Variants in UBP1 observed in about 807,000 individuals in gnomAD.
UBP1 encodes upstream-binding protein 1.
In UBP1, 22 loss-of-function variants were observed where a neutral mutation model predicts 76.1. That is an observed-to-expected ratio of 0.29 (90% confidence interval 0.21 to 0.41). UBP1 has a LOEUF of 0.41. UBP1 is among the 10% of genes least tolerant of loss of function. The pLI, the probability that UBP1 is intolerant of heterozygous loss-of-function variation, is 1.00. For missense variants in UBP1, 436 were observed against 668.1 expected, an observed-to-expected ratio of 0.65 and a Z score of 3.83; for synonymous variants, 224 against 237.1, an observed-to-expected ratio of 0.94 and a Z score of 0.51.
At chr3:33,407,337 G>GAATT (rs2044453497) in intron 8 of UBP1, among the ~76,000 whole-genome samples, 1 of 151,996 alleles carries the variant, frequency 6.6e-6, no homozygotes, top group African/African-American at 2.4e-5. Context: ...TTTTATTTAG[G>GAATT]AATTACCAGA....
chr3:33,432,827 A>G (rs1410189848), intron 1 of UBP1, among the ~76,000 whole-genome samples: 1 of 152,244 alleles, frequency 6.6e-6, no homozygotes, highest in Non-Finnish European at 1.5e-5. Flanking sequence ...TTTAGATAAC[A>G]GTATTGCACC....
chr3:33,403,584 G>GTCTGTCTGTCTATCTATCTA (rs60697427), intron 8 of UBP1: 7 of 148,994 alleles, frequency 4.7e-5, no homozygotes, highest in African/African-American at 1.5e-4. Flanking sequence ...CTGTCTGTCT[G>GTCTGTCTGTCTATCTATCTA]TCTATCTATC....
At chr3:33,403,118 G>A in intron 8 of UBP1, 1 of 499,634 alleles carries the variant, frequency 2.0e-6, no homozygotes, top group Non-Finnish European at 3.6e-6. Flanking sequence ...TAATCTTAGA[G>A]AAGACCTAAA....
chr3:33,409,236 C>T lies in UBP1; in HGVS notation c.819G>A (p.Glu273=). The T allele has an allele frequency of 6.2e-7, 1 of 1,613,582 alleles. No homozygotes were observed. Among genetic ancestry groups the T allele is most frequent in the Non-Finnish European group, 8.5e-7 (1 of 1,179,730 alleles). ...AAAACCAAATGCTTTACTACATTAC[C>T]TCTGTGAGGATTGTGGTATCATAGG... ...QPSYDTTILT[E]MRLEPIIEDA... The change falls in exon 7 of 16, where the codon GAG becomes GAA. Residue 273 remains glutamate, a splice_region_variant and synonymous_variant. Transcript: ENST00000283629.
At chr3:33,436,903 A>T (rs905847391) in intron 1 of UBP1, among the ~76,000 whole-genome samples, 1 of 152,212 alleles carries the variant, frequency 6.6e-6, no homozygotes, top group Non-Finnish European at 1.5e-5. Flanking sequence ...TTACAGTATA[A>T]GAAAAGGAGT....
At chr3:33,439,658 G>GC (rs2045258521) in intron 1 of UBP1, 78 bp downstream of exon 1, 1 of 1,479,224 alleles carries the variant, frequency 6.8e-7, no homozygotes, top group Non-Finnish European at 9.2e-7. Flanking sequence ...GGGAGCAGCC[G>GC]CATCTGGCAG....
At chr3:33,403,061 G>T (rs1159035230) in intron 8 of UBP1, among the ~76,000 whole-genome samples, 157 bp from the exon 9 acceptor site, 1 of 152,180 alleles carries the variant, frequency 6.6e-6, no homozygotes, top group Non-Finnish European at 1.5e-5. Flanking sequence ...ATTTACTTCT[G>T]TGTGGCAAAG....
intron 9 of UBP1, 115 bp downstream of exon 9, chr3:33,402,686 T>A: frequency 1.5e-6 from 1 of 684,892 alleles, no homozygotes. Flanking sequence ...TACTTCCCCT[T>A]ACTGTTTCCT....
chr3:33,403,384 A>T (rs546328303), intron 8 of UBP1: 1 of 196,234 alleles, frequency 5.1e-6, no homozygotes, highest in African/African-American at 2.4e-5. Context: ...CCTCACCAGT[A>T]CCCATTTGCT....
intron 15 of UBP1, 22 bp downstream of exon 15, chr3:33,392,541 G>GAC (rs762688455): frequency 2.7e-5 from 43 of 1,599,548 alleles, no homozygotes; most frequent in African/African-American, 1.9e-4. Context: ...AGCATTTTAA[G>GAC]ACACACACAC....
At chr3:33,432,472 C>T (rs1340567658) in intron 1 of UBP1, among the ~76,000 whole-genome samples, 1 of 152,160 alleles carries the variant, frequency 6.6e-6, no homozygotes, top group Non-Finnish European at 1.5e-5. Flanking sequence ...ACAACATATA[C>T]AGCATCCTAT....
intron 5 of UBP1, among the ~76,000 whole-genome samples, chr3:33,410,599 T>C (rs2044556127): frequency 6.6e-6 from 1 of 152,232 alleles, no homozygotes; most frequent in South Asian, 2.1e-4. Flanking sequence ...GGTTTTCCTT[T>C]TCTATATATT....
chr3:33,437,180 A>T (rs913376379), intron 1 of UBP1, among the ~76,000 whole-genome samples: 2 of 152,074 alleles, frequency 1.3e-5, no homozygotes, highest in Non-Finnish European at 2.9e-5. Context: ...AATTAGCCCC[A>T]ATATATTCCC....
chr3:33,426,513 G>A (rs1366722927), intron 1 of UBP1, among the ~76,000 whole-genome samples: 3 of 152,266 alleles, frequency 2.0e-5, no homozygotes, highest in East Asian at 3.9e-4. Context: ...CACATCATCA[G>A]TATCTAATTC....
At chr3:33,408,059 TG>T (rs1292644330) in intron 8 of UBP1, among the ~76,000 whole-genome samples, 2 of 152,058 alleles carry the variant, frequency 1.3e-5, no homozygotes, top group East Asian at 3.9e-4. Flanking sequence ...TACACTACTT[TG>T]GCCTGAAGCA....
At chr3:33,420,029 C>A (rs2044845294) in intron 2 of UBP1, among the ~76,000 whole-genome samples, 1 of 152,030 alleles carries the variant, frequency 6.6e-6, no homozygotes, top group African/African-American at 2.4e-5. Context: ...TGATTCATGT[C>A]CCCACCCACC....
intron 8 of UBP1, among the ~76,000 whole-genome samples, chr3:33,407,856 G>A (rs2044468490): frequency 6.6e-6 from 1 of 152,226 alleles, no homozygotes; most frequent in African/African-American, 2.4e-5. Context: ...ATTCTTTAAT[G>A]TTCTGTGTTT....
chr3:33,396,961 A>G, intron 12 of UBP1, 84 bp downstream of exon 12: 4 of 1,232,192 alleles, frequency 3.2e-6, no homozygotes, highest in Non-Finnish European at 4.8e-6. Context: ...ACGCCAACCT[A>G]GCGTGGAAAC....
intron 13 of UBP1, among the ~76,000 whole-genome samples, chr3:33,394,814 CTTGTT>C (rs1553670555): frequency 8.2e-6 from 1 of 122,112 alleles, no homozygotes; most frequent in African/African-American, 3.4e-5. Context: ...CTGCCCTCCA[CTTGTT>C]TTTTTTTTTT....
Sources: gnomAD v4.1 joint callset for allele counts (sites outside exome capture counted in the v4.1 genomes callset) on GRCh38, gnomAD v4.1.1 for gene constraint, MANE v1.5 for transcripts, NCBI Gene and HGNC (gene_info 2026-07-23, HGNC 2026-07-21) for gene names.